ANK2: variants seen among roughly 807,000 people sequenced by gnomAD.
ANK2 encodes the protein ankyrin-2.
ANK2 carries 83 observed loss-of-function variants against 360.5 expected under a neutral mutation model. The ratio of observed to expected loss-of-function variants is 0.23; its 90% CI spans 0.19 to 0.28. The LOEUF (loss-of-function observed/expected upper bound fraction) is 0.28. Among genes scored for constraint, ANK2 ranks in the 10% least tolerant of loss-of-function variants. The pLI is 1.00. For synonymous variants in ANK2, 1,740 were observed against 1,759.5 expected, an observed-to-expected ratio of 0.99 and a Z score of 0.28; for missense variants, 4,201 against 4,795.7, an observed-to-expected ratio of 0.88 and a Z score of 3.66.
intron 2 of ANK2, among the ~76,000 whole-genome samples, chr4:113,182,527 G>A (rs536138523): frequency 6.6e-6 from 1 of 152,284 alleles, no homozygotes; most frequent in South Asian, 2.1e-4. Context: ...TAGAGGTCAG[G>A]AAGATGAGAA....
chr4:113,029,050 A>G (rs2059849515), intron 2 of ANK2, among the ~76,000 whole-genome samples: 2 of 152,114 alleles, frequency 1.3e-5, no homozygotes, highest in Non-Finnish European at 2.9e-5. Context: ...TGTCAACACA[A>G]TAGAGTGGAT....
chr4:113,171,350 T>C, intron 1 of ANK2, among the ~76,000 whole-genome samples: 1 of 152,204 alleles, frequency 6.6e-6, no homozygotes, highest in Non-Finnish European at 1.5e-5. Flanking sequence ...GGGTACGATG[T>C]GCTTGTGTCT....
At chr4:113,050,438 C>G (rs2066442191) in intron 1 of ANK2, among the ~76,000 whole-genome samples, 1 of 152,148 alleles carries the variant, frequency 6.6e-6, no homozygotes, top group Non-Finnish European at 1.5e-5. Flanking sequence ...GGCTCTTGGG[C>G]ACACAAAGCA....
At position 112,943,957 on chromosome 4, in the gene ANK2, T is replaced by G. The variant is rs10516591; in HGVS notation, c.21+39443T>G. ...ACTTAATTTGTATGACAGATGTAAT[T>G]TAGATGACCTCAGACTAAACAAAAT... On this transcript the variant is annotated intron_variant, in intron 2 of 30. Coordinates refer to the ANK2 transcript ENST00000503271. Among the ~76,000 whole-genome samples the G allele has an allele frequency of 5.3e-3, 804 of 152,240 alleles. 8 individuals are homozygous for G. Among genetic ancestry groups the G allele is most frequent in the African/African-American group, 0.018 (752 of 41,564 alleles).
chr4:113,224,085 A>G (rs2099185711), intron 4 of ANK2, among the ~76,000 whole-genome samples: 1 of 152,180 alleles, frequency 6.6e-6, no homozygotes, highest in African/African-American at 2.4e-5. Flanking sequence ...GCAGAAGGGC[A>G]GTGACTTTTA....
chr4:113,120,504 A>G (rs1199354432), intron 1 of ANK2, among the ~76,000 whole-genome samples: 1 of 152,190 alleles, frequency 6.6e-6, no homozygotes, highest in Admixed American at 6.5e-5. Flanking sequence ...CTATTTCCCA[A>G]CTGTACGTTT....
At chr4:112,865,300 T>G (rs1321024022) in intron 1 of ANK2, among the ~76,000 whole-genome samples, 2 of 152,118 alleles carry the variant, frequency 1.3e-5, no homozygotes, top group Non-Finnish European at 2.9e-5. Context: ...ACCTTTTATT[T>G]TATCACATAA....
At chr4:112,771,497 G>A in the ANK2 span, among the ~76,000 whole-genome samples, 9 of 152,032 alleles carry the variant, frequency 5.9e-5, no homozygotes, top group Admixed American at 3.9e-4. Flanking sequence ...AGAACTGAAT[G>A]TTTTTATGCT....
At chr4:112,910,508 T>C (rs1043773042) in intron 2 of ANK2, among the ~76,000 whole-genome samples, 2 of 152,180 alleles carry the variant, frequency 1.3e-5, no homozygotes, top group Non-Finnish European at 2.9e-5. Flanking sequence ...TCATTGCACA[T>C]CTAAACCTAA....
At chr4:113,143,832 T>G (rs187754341) in intron 1 of ANK2, among the ~76,000 whole-genome samples, 1 of 152,292 alleles carries the variant, frequency 6.6e-6, no homozygotes, top group East Asian at 1.9e-4. Context: ...CCTACTTAAA[T>G]ACTACAGAAC....
At chr4:113,118,158 A>C (rs1039358474) in intron 1 of ANK2, among the ~76,000 whole-genome samples, 63 of 152,318 alleles carry the variant, frequency 4.1e-4, no homozygotes, top group African/African-American at 1.5e-3. Flanking sequence ...AATAGAAATA[A>C]TCTTACAACT....
intron 1 of ANK2, among the ~76,000 whole-genome samples, chr4:113,170,287 A>G (rs966502273): frequency 1.3e-5 from 2 of 152,250 alleles, no homozygotes. Context: ...ATATGAAGAT[A>G]GCATCTGAGC....
At chr4:112,918,295 A>G (rs2090495685) in intron 2 of ANK2, among the ~76,000 whole-genome samples, 1 of 152,104 alleles carries the variant, frequency 6.6e-6, no homozygotes, top group African/African-American at 2.4e-5. Flanking sequence ...GGAGGGTGGA[A>G]TGAAGATAGC....
At chr4:113,122,876 C>G (rs1186780019) in intron 1 of ANK2, among the ~76,000 whole-genome samples, 1 of 151,528 alleles carries the variant, frequency 6.6e-6, no homozygotes, top group Non-Finnish European at 1.5e-5. Flanking sequence ...ATTAATGACA[C>G]TCTTCACCAG....
Position 113,356,331 on chromosome 4 carries a change from G to A in ANK2, c.7713G>A (p.Glu2571=). Residue 2571 remains glutamate (E), a synonymous_variant, in exon 38 of 46, where the codon GAG becomes GAA. Coordinates refer to ENST00000357077, the MANE Select transcript of ANK2 (RefSeq NM_001148.6). The part of the protein sequence containing the change: ...KPAVIHECAE[E]DDSENGEKKR... ...CTGTGATTCATGAATGTGCAGAGGA[G>A]GATGATTCAGAAAACGGGGAGAAAA... The A allele has an allele frequency of 4.3e-6, 7 of 1,614,116 alleles. No individual in the cohort carries two copies. Among genetic ancestry groups the A allele is most frequent in the Non-Finnish European group, 5.9e-6 (7 of 1,179,988 alleles).
intron 6 of ANK2, 125 bp from the exon 7 acceptor site, chr4:113,237,474 C>T: frequency 1.0e-6 from 1 of 955,420 alleles, no homozygotes; most frequent in Non-Finnish European, 1.7e-6. Flanking sequence ...GGGATGTCTT[C>T]TTCCAGTAGA....
chr4:112,712,698 C>CAT, the ANK2 span, among the ~76,000 whole-genome samples: 5 of 151,986 alleles, frequency 3.3e-5, no homozygotes. Flanking sequence ...TGAGCCACTG[C>CAT]GCCCGGCCAA....
intron 1 of ANK2, among the ~76,000 whole-genome samples, chr4:113,054,446 C>A (rs1258882670): frequency 6.6e-6 from 1 of 152,080 alleles, no homozygotes; most frequent in Non-Finnish European, 1.5e-5. Context: ...GAATGAGGTA[C>A]ATATTAAAAG....
At chr4:113,155,418 A>G (rs1480212568) in intron 1 of ANK2, among the ~76,000 whole-genome samples, 1 of 152,182 alleles carries the variant, frequency 6.6e-6, no homozygotes, top group African/African-American at 2.4e-5. Context: ...CTGGCTCTTT[A>G]AAGAAAGAGA....
Sources: allele counts gnomAD v4.1 joint callset (sites outside exome capture counted in the v4.1 genomes callset), GRCh38; gene constraint gnomAD v4.1.1; transcripts MANE v1.5; gene names NCBI Gene and HGNC (gene_info 2026-07-23, HGNC 2026-07-21).